Variants in STYXL1 observed in about 807,000 individuals in gnomAD.
STYXL1 encodes the protein serine/threonine/tyrosine-interacting-like protein 1.
Under a neutral mutation model 36.4 loss-of-function variants are expected in STYXL1, and 32 were observed. The ratio of observed to expected loss-of-function variants is 0.88; its 90% CI spans 0.66 to 1.18. STYXL1 has a LOEUF of 1.18. Among genes scored for constraint, STYXL1 ranks in the 50% most tolerant of loss-of-function variants. STYXL1 has a pLI of 0.00. For missense variants in STYXL1, 354 were observed against 394.1 expected, an observed-to-expected ratio of 0.90 and a Z score of 0.86; for synonymous variants, 133 against 144.1, an observed-to-expected ratio of 0.92 and a Z score of 0.55.
chr7:76,038,694 G>A (rs1263766933), intron 1 of STYXL1, among the ~76,000 whole-genome samples: 2 of 151,462 alleles, frequency 1.3e-5, no homozygotes, highest in African/African-American at 4.9e-5. Context: ...CCAAAGTGCT[G>A]GGATTACAGG....
chr7:76,028,357 G>A (rs1794951682), intron 3 of STYXL1, among the ~76,000 whole-genome samples: 1 of 152,106 alleles, frequency 6.6e-6, no homozygotes, highest in African/African-American at 2.4e-5. Context: ...TAAGGCCGCA[G>A]TGAGCTATGA....
chr7:76,015,618 T>C (rs1554573566), intron 4 of STYXL1, among the ~76,000 whole-genome samples: 2 of 152,136 alleles, frequency 1.3e-5, no homozygotes, highest in East Asian at 1.9e-4. Context: ...AAGCTATGCA[T>C]CCAACAAAGA....
At chr7:76,015,698 C>T (rs1793201072) in intron 4 of STYXL1, among the ~76,000 whole-genome samples, 1 of 152,164 alleles carries the variant, frequency 6.6e-6, no homozygotes, top group Non-Finnish European at 1.5e-5. Context: ...ATGGTTAATA[C>T]TGAGTGTCAA....
At chr7:76,041,487 T>G (rs965942140) in intron 1 of STYXL1, among the ~76,000 whole-genome samples, 1 of 152,208 alleles carries the variant, frequency 6.6e-6, no homozygotes, top group Non-Finnish European at 1.5e-5. Flanking sequence ...GCTATTAAGA[T>G]GGATGAATGT....
Position 76,042,074 on chromosome 7 carries a change from G to A in STYXL1, c.-5+5588C>T, listed in dbSNP as rs1008306350. ...TGTGAATCTGCAGGTGCATGTGTGT[G>A]CATGTACGCATGTGTGTGAGTCTGT... On this transcript the variant is annotated intron_variant, in intron 1 of 8. Coordinates refer to ENST00000359697, the MANE Select transcript of STYXL1 (RefSeq NM_001317785.2). Among the ~76,000 whole-genome samples the A allele has an allele frequency of 8.5e-4, 129 of 152,178 alleles. 1 individual carries two copies. The highest frequency in any genetic ancestry group is 1.4e-3 in the Non-Finnish European group (97 of 68,026).
At chr7:76,033,345 T>G (rs781992372) in intron 1 of STYXL1, among the ~76,000 whole-genome samples, 2 of 151,496 alleles carry the variant, frequency 1.3e-5, no homozygotes, top group Non-Finnish European at 3.0e-5. Context: ...GGTCTCACAC[T>G]ATGTTGCCCA....
At chr7:76,027,363 T>A (rs1554578018) in intron 3 of STYXL1, among the ~76,000 whole-genome samples, 1 of 151,942 alleles carries the variant, frequency 6.6e-6, no homozygotes, top group African/African-American at 2.4e-5. Flanking sequence ...GGGAGATGCT[T>A]CCATCTTTGG....
chr7:76,016,572 G>A lies in STYXL1; in HGVS notation c.308-2685C>T, dbSNP rs543947664. Among the ~76,000 whole-genome samples, 15 of 152,054 alleles carry A rather than the reference G, an allele frequency of 9.9e-5. 1 individual carries two copies. In the South Asian group the frequency reaches 1.2e-3, roughly 13 times the overall value. On this transcript the variant is annotated intron_variant, in intron 4 of 8. Coordinates refer to ENST00000359697, the MANE Select transcript of STYXL1 (RefSeq NM_001317785.2). ...CTAATACACAACTCTATTAAAAAGT[G>A]GGCAAAGGACATAAACAGACACTTT...
At chr7:76,044,916 G>A (rs1554583018) in intron 1 of STYXL1, 1 of 152,186 alleles carries the variant, frequency 6.6e-6, no homozygotes, top group East Asian at 1.9e-4. Context: ...GGCTGGTCCT[G>A]AATTCCTGAG....
chr7:76,038,525 C>T (rs1282627570), intron 1 of STYXL1, among the ~76,000 whole-genome samples: 2 of 148,706 alleles, frequency 1.3e-5, no homozygotes, highest in Non-Finnish European at 3.0e-5. Context: ...TCCTGGGTTC[C>T]CGCCATTCTC....
At chr7:75,999,149 A>G (rs144570473) in intron 8 of STYXL1, 9 of 153,372 alleles carry the variant, frequency 5.9e-5, no homozygotes, top group Middle Eastern at 1.2e-3. Flanking sequence ...AAAAAAAATA[A>G]ATAAATAAAA....
intron 4 of STYXL1, among the ~76,000 whole-genome samples, chr7:76,018,088 G>A (rs183686105): frequency 6.6e-5 from 10 of 151,630 alleles, no homozygotes; most frequent in Middle Eastern, 3.4e-3. Context: ...GACTGGTCTC[G>A]ACTCCTGGGC....
chr7:76,006,560 G>A (rs1334888022), intron 5 of STYXL1, among the ~76,000 whole-genome samples: 2 of 151,910 alleles, frequency 1.3e-5, no homozygotes, highest in African/African-American at 4.8e-5. Flanking sequence ...TCAGGAGATC[G>A]AGACCATCCT....
rs567637755 is a variant in STYXL1 at position 76,006,146 on chromosome 7, G to T, written c.454-742C>A. On this transcript the variant is annotated intron_variant, in intron 5 of 8. Transcript: ENST00000359697. ...AGTGCAAGTGGCTCAATCATAGCTC[G>T]CTGCAGTCTTATCTTCCTGGGCTCA... Among the ~76,000 whole-genome samples, 267 of 152,010 alleles carry T rather than the reference G, an allele frequency of 1.8e-3. 1 individual carries two copies. Among genetic ancestry groups the T allele is most frequent in the Admixed American group, 3.5e-3 (53 of 15,256 alleles).
chr7:76,031,902 C>A (rs1034693642), intron 1 of STYXL1, among the ~76,000 whole-genome samples: 8 of 152,184 alleles, frequency 5.3e-5, no homozygotes, highest in Non-Finnish European at 1.2e-4. Context: ...ACAAAACCTG[C>A]CTTCATGAAG....
chr7:75,998,062 C>A (rs1041278593), intron 8 of STYXL1, among the ~76,000 whole-genome samples: 8 of 152,226 alleles, frequency 5.3e-5, no homozygotes, highest in African/African-American at 1.9e-4. Flanking sequence ...AAAATCCCAA[C>A]AACATTTTTT....
chr7:76,000,519 T>C (rs1476412631), intron 8 of STYXL1: 1 of 463,086 alleles, frequency 2.2e-6, no homozygotes, highest in Non-Finnish European at 4.3e-6. Flanking sequence ...CTCTGGACCC[T>C]GCGCCCAAGG....
At chr7:76,038,217 G>GCTA (rs1796109224) in intron 1 of STYXL1, among the ~76,000 whole-genome samples, 1 of 149,170 alleles carries the variant, frequency 6.7e-6, no homozygotes, top group South Asian at 2.2e-4. Flanking sequence ...ACCACACCTA[G>GCTA]CTAAGTTTTT....
intron 4 of STYXL1, among the ~76,000 whole-genome samples, chr7:76,019,940 A>G (rs532733001): frequency 2.0e-4 from 30 of 151,928 alleles, no homozygotes; most frequent in Non-Finnish European, 4.0e-4. Flanking sequence ...AAAAAAAAAA[A>G]AAAAAAGAAA....
Sources: allele counts gnomAD v4.1 joint callset (sites outside exome capture counted in the v4.1 genomes callset), GRCh38; gene constraint gnomAD v4.1.1; transcripts MANE v1.5; gene names NCBI Gene and HGNC (gene_info 2026-07-23, HGNC 2026-07-21).